MRPL3: variants seen among roughly 807,000 people sequenced by gnomAD.
The protein encoded by MRPL3 is large ribosomal subunit protein uL3m.
Under a neutral mutation model 44.3 loss-of-function variants are expected in MRPL3, and 43 were observed. That is an observed-to-expected ratio of 0.97 (90% CI 0.76 to 1.25). The LOEUF is 1.25. MRPL3 is among the 50% of genes most tolerant of loss of function. MRPL3 has a pLI of 0.00. For missense variants in MRPL3, 406 were observed against 427.6 expected (o/e 0.95, Z 0.45); for synonymous variants, 171 against 152.3 (o/e 1.12, Z -0.91).
intron 4 of MRPL3, among the ~76,000 whole-genome samples, chr3:131,496,244 T>C (rs1044947744): frequency 2.0e-5 from 3 of 152,334 alleles, no homozygotes; most frequent in Non-Finnish European, 4.4e-5. Flanking sequence ...ATAATAAATT[T>C]TTAAAAAGTC....
At chr3:131,502,662 A>G (rs1261845435) in intron 1 of MRPL3, 68 bp downstream of exon 1, 72 of 1,378,254 alleles carry the variant, frequency 5.2e-5, no homozygotes, top group Non-Finnish European at 7.1e-5. Context: ...GGGAGGCCCA[A>G]CTGCACCAGG....
chr3:131,474,239 C>A (rs1251949153), intron 6 of MRPL3, among the ~76,000 whole-genome samples: 2 of 152,112 alleles, frequency 1.3e-5, no homozygotes, highest in Non-Finnish European at 2.9e-5. Flanking sequence ...CTGCCATCTG[C>A]AACAACATTA....
At chr3:131,470,171 C>T (rs1473482443) in intron 7 of MRPL3, among the ~76,000 whole-genome samples, 39 of 152,170 alleles carry the variant, frequency 2.6e-4, no homozygotes, top group Non-Finnish European at 1.5e-5. Flanking sequence ...ATCCATACCA[C>T]TGGTGCTGGA....
chr3:131,466,306 G>GTA (rs1933599548), intron 9 of MRPL3, among the ~76,000 whole-genome samples: 1 of 151,994 alleles, frequency 6.6e-6, no homozygotes, highest in Non-Finnish European at 1.5e-5. Flanking sequence ...TCAATGAAGA[G>GTA]TATACTCTGG....
intron 6 of MRPL3, among the ~76,000 whole-genome samples, chr3:131,475,704 T>C (rs908023008): frequency 6.6e-6 from 1 of 152,158 alleles, no homozygotes; most frequent in African/African-American, 2.4e-5. Flanking sequence ...ACATATTAAA[T>C]AAAAACCCAC....
chr3:131,501,957 T>C (rs536975456), intron 1 of MRPL3: 2 of 1,509,382 alleles, frequency 1.3e-6, no homozygotes, highest in Non-Finnish European at 1.8e-6. Flanking sequence ...TCCTCGCAGA[T>C]AAACATATTC....
intron 6 of MRPL3, among the ~76,000 whole-genome samples, chr3:131,476,988 A>T (rs924242824): frequency 2.6e-5 from 4 of 152,208 alleles, no homozygotes; most frequent in African/African-American, 9.7e-5. Flanking sequence ...ATGGCTAATA[A>T]TCCTGCAGAA....
chr3:131,486,382 A>AC (rs1466852715), intron 6 of MRPL3, among the ~76,000 whole-genome samples: 1 of 149,538 alleles, frequency 6.7e-6, no homozygotes, highest in Admixed American at 6.6e-5. Context: ...AAAAAAAAAA[A>AC]AAAAAAAAAC....
rs761713182 is a variant in MRPL3, at chr3:131,501,653, T to C, written c.155A>G (p.His52Arg). 3 of 1,613,652 alleles carry C rather than the reference T, an allele frequency of 1.9e-6. No individual in the cohort carries two copies. The highest frequency in any genetic ancestry group is 1.3e-5 in the African/African-American group (1 of 74,914). Residue 52 changes from histidine (H) to arginine (R), a missense_variant, in exon 2 of 10, where the codon CAT becomes CGT. Physicochemically the swap from His to Arg is conservative, Grantham distance 29. Transcript: ENST00000264995. ...GAATGGGACATTTTCTTCAGAAAGA[T>C]GCTCATCCCACCATGTACCACTCTT... ...HGKSGTWWDE[H>R]LSEENVPFIK...
chr3:131,470,116 C>G (rs1487073627), intron 7 of MRPL3, among the ~76,000 whole-genome samples: 1 of 152,052 alleles, frequency 6.6e-6, no homozygotes, highest in African/African-American at 2.4e-5. Context: ...GACTGCCAGG[C>G]CTGTTTTGAA....
Position 131,471,243 on chromosome 3 carries a change from C to T in MRPL3, c.666G>A (p.Trp222Ter). 1 of 1,613,394 alleles carries T rather than the reference C, an allele frequency of 6.2e-7. No individual in the cohort carries two copies. The highest frequency in any genetic ancestry group is 8.5e-7 in the Non-Finnish European group (1 of 1,179,514). Residue 222 changes from tryptophan to a stop codon, truncating the protein, a stop_gained, in exon 7 of 10, where the codon TGG becomes TGA. Coordinates refer to ENST00000264995, the MANE Select transcript of MRPL3 (RefSeq NM_007208.4). LOFTEE classifies it high-confidence loss of function. Reference sequence around the variant, plus strand: ...GCGTAGCAGGCTGGCCTTTAAATCCCCATCTTTTCATGACACCTTGAAAAC... The same window carrying T: ...GCGTAGCAGGCTGGCCTTTAAATCCTCATCTTTTCATGACACCTTGAAAAC... ...GKGFQGVMKR[W>*]GFKGQPATHG...
chr3:131,499,696 T>TG (rs1021009216), intron 3 of MRPL3, among the ~76,000 whole-genome samples: 1 of 152,034 alleles, frequency 6.6e-6, no homozygotes, highest in African/African-American at 2.4e-5. Flanking sequence ...TCAAAGTGAT[T>TG]GGGGGAGTGA....
At chr3:131,463,484 C>G (rs1263108619) in intron 9 of MRPL3, among the ~76,000 whole-genome samples, 1 of 151,362 alleles carries the variant, frequency 6.6e-6, no homozygotes, top group Non-Finnish European at 1.5e-5. Context: ...TTATATCATT[C>G]TTGATTTAGC....
In MRPL3 at chr3:131,487,714, G is replaced by A. The variant is rs376536556; in HGVS notation, c.595C>T (p.Arg199Cys). 65 of 1,611,034 alleles carry A rather than the reference G, an allele frequency of 4.0e-5. No individual in the cohort carries two copies. The highest frequency in any genetic ancestry group is 5.4e-5 in the Non-Finnish European group (64 of 1,179,270). The change falls in exon 6 of 10, where the codon CGT becomes TGT. Residue 199 changes from arginine to cysteine, a missense_variant. Arg to Cys is a radical substitution (Grantham distance 180, BLOSUM62 -3). Transcript: ENST00000264995. ...PGTPLYAAHF[R>C]PGQYVDVTAK... ...GTGACATCCACATACTGTCCTGGAC[G>A]AAAGTGAGCAGCATAAAGAGGAGTG...
At chr3:131,467,400 C>T (rs78238482) in intron 9 of MRPL3, among the ~76,000 whole-genome samples, 2,304 of 152,102 alleles carry the variant, frequency 0.015, 62 homozygotes, top group African/African-American at 0.053. Flanking sequence ...TCTCATATTC[C>T]TGAAGATCTT....
chr3:131,466,073 C>T (rs1009949232), intron 9 of MRPL3, among the ~76,000 whole-genome samples: 3 of 151,828 alleles, frequency 2.0e-5, no homozygotes, highest in Non-Finnish European at 4.4e-5. Flanking sequence ...GGCTTAAATG[C>T]ATTTTTTTCT....
intron 9 of MRPL3, among the ~76,000 whole-genome samples, chr3:131,465,189 TGATGCC>T (rs1933573426): frequency 1.3e-5 from 2 of 152,242 alleles, no homozygotes; most frequent in African/African-American, 4.8e-5. Flanking sequence ...GACATTGTTC[TGATGCC>T]AGTTTCTCAA....
At chr3:131,494,026 T>A (rs1055278553) in intron 4 of MRPL3, among the ~76,000 whole-genome samples, 1 of 152,244 alleles carries the variant, frequency 6.6e-6, no homozygotes, top group Non-Finnish European at 1.5e-5. Context: ...CTCAGTTGCC[T>A]ATAGTTGACA....
Position 131,471,196 on chromosome 3 carries a change from C to A in MRPL3, c.713G>T (p.Arg238Met). 1 of 1,613,120 alleles carries A rather than the reference C, an allele frequency of 6.2e-7. No individual in the cohort carries two copies. Among genetic ancestry groups the A allele is most frequent in the Non-Finnish European group, 8.5e-7 (1 of 1,179,368 alleles). ...ACCAGTTGCAACAGCTCCAGGTCTCCTGTGGGTTTTCGTTTGACCATGCGT... is the reference window on the plus strand; with the variant it reads ...ACCAGTTGCAACAGCTCCAGGTCTCATGTGGGTTTTCGTTTGACCATGCGT... ...PATHGQTKTH[R>M]RPGAVATGDI... The change falls in exon 7 of 10, where the codon AGG becomes ATG. Residue 238 changes from arginine to methionine, a missense_variant. By Grantham distance (91) the Arg-to-Met change is moderately conservative. Transcript: ENST00000264995.
Sources: allele counts gnomAD v4.1 joint callset (sites outside exome capture counted in the v4.1 genomes callset), GRCh38; gene constraint gnomAD v4.1.1; transcripts MANE v1.5; gene names NCBI Gene and HGNC (gene_info 2026-07-23, HGNC 2026-07-21).